FKBP9: variants seen among roughly 807,000 people sequenced by gnomAD.
The protein encoded by FKBP9 is FKBP prolyl isomerase 9, also known as peptidyl-prolyl cis-trans isomerase FKBP9.
A neutral mutation model predicts 55.6 loss-of-function variants in FKBP9; 27 were observed. The ratio of observed to expected loss-of-function variants is 0.49; its 90% CI spans 0.36 to 0.67. The LOEUF (loss-of-function observed/expected upper bound fraction) is 0.67, where lower values mean the gene tolerates loss of function less well. FKBP9 is among the 30% of genes least tolerant of loss of function. The pLI is 0.00. For synonymous variants in FKBP9, 267 were observed against 296.5 expected (o/e 0.90, Z 1.02); for missense variants, 539 against 742.8 (o/e 0.73, Z 3.19).
chr7:32,979,985 G>A (rs1784443779), intron 4 of FKBP9, among the ~76,000 whole-genome samples: 1 of 151,898 alleles, frequency 6.6e-6, no homozygotes, highest in South Asian at 2.1e-4. Context: ...CCAGAGATTT[G>A]GAATTTTCTC....
chr7:32,987,303 C>G (rs1390353042), intron 5 of FKBP9, among the ~76,000 whole-genome samples: 3 of 152,078 alleles, frequency 2.0e-5, no homozygotes, highest in Non-Finnish European at 4.4e-5. Flanking sequence ...CGAGACCAAC[C>G]TGGGCAACGT....
chr7:32,982,134 C>A (rs970544707), intron 5 of FKBP9, among the ~76,000 whole-genome samples: 5 of 151,406 alleles, frequency 3.3e-5, no homozygotes, highest in African/African-American at 1.2e-4. Context: ...GATTCCCCTG[C>A]CTCAGCCTCC....
In FKBP9 at chr7:32,970,660, C is replaced by G. The variant is rs558777212; in HGVS notation, c.222-3957C>G. On this transcript the variant is annotated intron_variant, in intron 1 of 9. Coordinates refer to ENST00000242209, the MANE Select transcript of FKBP9 (RefSeq NM_007270.5). ...TGTTCATTATTAGTGTATAGAAATGCATCTGATTTTGGGGTGTTGATTTTG... is the reference window on the plus strand; with the variant it reads ...TGTTCATTATTAGTGTATAGAAATGGATCTGATTTTGGGGTGTTGATTTTG... Among the ~76,000 whole-genome samples, 323 of 144,744 alleles carry G rather than the reference C, an allele frequency of 2.2e-3. 2 individuals are homozygous for G. Among genetic ancestry groups the G allele is most frequent in the African/African-American group, 8.3e-3 (318 of 38,122 alleles). The allele number at this position is 144,744 out of a possible 152,430, so 95.0% of individuals were successfully genotyped here. A position where few individuals can be genotyped will look rare whatever the true frequency, so the allele number is the denominator to read the frequency against.
chr7:32,976,097 C>T (rs771173011), intron 3 of FKBP9, among the ~76,000 whole-genome samples: 9 of 152,172 alleles, frequency 5.9e-5, no homozygotes, highest in Non-Finnish European at 1.3e-4. Context: ...GCAATTTCTT[C>T]TCATTAGAGC....
chr7:32,963,154 C>T (rs2953539), intron 1 of FKBP9, among the ~76,000 whole-genome samples: 5 of 152,012 alleles, frequency 3.3e-5, no homozygotes, highest in African/African-American at 7.2e-5. Flanking sequence ...TTCCTTGAAG[C>T]GGGGAGTGTG....
At chr7:32,983,152 T>C (rs1292803984) in intron 5 of FKBP9, among the ~76,000 whole-genome samples, 9 of 152,078 alleles carry the variant, frequency 5.9e-5, no homozygotes, top group Non-Finnish European at 1.0e-4. Flanking sequence ...GCCTCCTTAG[T>C]AGCTAGGATT....
At chr7:32,976,257 C>G in intron 3 of FKBP9, 97 bp from the exon 4 acceptor site, 1 of 1,417,814 alleles carries the variant, frequency 7.1e-7, no homozygotes, top group South Asian at 1.2e-5. Flanking sequence ...ATGGGATCAT[C>G]GTTTAGCTGA....
At chr7:32,984,285 G>C (rs1784536077) in intron 5 of FKBP9, among the ~76,000 whole-genome samples, 1 of 151,700 alleles carries the variant, frequency 6.6e-6, no homozygotes, top group Non-Finnish European at 1.5e-5. Context: ...CCAGGCTGGA[G>C]TGCAGTGATG....
intron 1 of FKBP9, among the ~76,000 whole-genome samples, chr7:32,973,032 C>A (rs984509234): frequency 2.6e-5 from 4 of 152,090 alleles, no homozygotes; most frequent in African/African-American, 9.7e-5. Flanking sequence ...TTGTAACCTG[C>A]CCTTTACTCT....
intron 1 of FKBP9, among the ~76,000 whole-genome samples, chr7:32,970,112 G>GGTTA (rs1784224267): frequency 6.6e-6 from 1 of 151,760 alleles, no homozygotes; most frequent in South Asian, 2.1e-4. Context: ...AGATTGCTTT[G>GGTTA]GTTAGTGTGG....
intron 6 of FKBP9, chr7:32,992,746 C>T (rs764862566): frequency 4.6e-6 from 1 of 217,972 alleles, no homozygotes; most frequent in Non-Finnish European, 9.2e-6. Context: ...TCTATCCATC[C>T]ATCAAAGATT....
chr7:32,959,106 T>A (rs1402454742), intron 1 of FKBP9, among the ~76,000 whole-genome samples: 174 of 144,560 alleles, frequency 1.2e-3, no homozygotes, highest in Middle Eastern at 7.1e-3. Flanking sequence ...TTAGTTACTT[T>A]AAAAAAAAAA....
In FKBP9 at chr7:32,965,849, G is replaced by GTA. The variant is rs765466014; in HGVS notation, c.221+8056_221+8057dup. Among the ~76,000 whole-genome samples, 531 of 80,858 alleles carry GTA rather than the reference G, an allele frequency of 6.6e-3. 27 individuals are homozygous for GTA. Among genetic ancestry groups the GTA allele is most frequent in the Admixed American group, 8.5e-3 (46 of 5,426 alleles). 53.0% of individuals were successfully genotyped at this position (80,858 alleles called of 152,430 possible). A position where few individuals can be genotyped will look rare whatever the true frequency, so the allele number is the denominator to read the frequency against. On this transcript the variant is annotated intron_variant, in intron 1 of 9. Coordinates refer to ENST00000242209, the MANE Select transcript of FKBP9 (RefSeq NM_007270.5). ...TATATATATATATATATATATGTGT[G>GTA]TACAGATATATATATATACATACAT...
intron 1 of FKBP9, among the ~76,000 whole-genome samples, chr7:32,960,658 T>C (rs888578443): frequency 1.3e-5 from 2 of 152,186 alleles, no homozygotes; most frequent in African/African-American, 4.8e-5. Flanking sequence ...TGTGAGGTAG[T>C]GTAGGGCAGT....
chr7:32,962,938 A>C lies in FKBP9; in HGVS notation c.221+5144A>C, dbSNP rs193055801. 3.3e-3 allele frequency among the ~76,000 whole-genome samples: 499 copies of C among 151,954 alleles called. 1 individual carries two copies. Among genetic ancestry groups the C allele is most frequent in the Non-Finnish European group, 5.7e-3 (385 of 67,964 alleles). ...GTGAGAGGACAGTGGCCACCCAGCT[A>C]ATATAACTGACCTTCAGATTCTGGA... On this transcript the variant is annotated intron_variant, in intron 1 of 9. Transcript: ENST00000242209.
chr7:33,001,717 T>G (rs1428165529), intron 8 of FKBP9, among the ~76,000 whole-genome samples: 3 of 152,186 alleles, frequency 2.0e-5, no homozygotes, highest in Non-Finnish European at 1.5e-5. Context: ...CTGTATACAC[T>G]ATTCTTGAAT....
At chr7:32,978,927 G>C (rs1784413460) in intron 4 of FKBP9, among the ~76,000 whole-genome samples, 1 of 152,134 alleles carries the variant, frequency 6.6e-6, no homozygotes, top group Non-Finnish European at 1.5e-5. Flanking sequence ...TCTCTGCAAA[G>C]TTGCTATAGA....
chr7:33,002,884 G>A, intron 9 of FKBP9, 45 bp downstream of exon 9: 1 of 1,597,868 alleles, frequency 6.3e-7, no homozygotes, highest in Admixed American at 1.7e-5. Context: ...AAGAGCTCAG[G>A]GAGCCTGGTA....
At chr7:32,975,973 T>A (rs1377488458) in intron 3 of FKBP9, among the ~76,000 whole-genome samples, 1 of 152,196 alleles carries the variant, frequency 6.6e-6, no homozygotes, top group African/African-American at 2.4e-5. Context: ...TAAGGAGGCT[T>A]ATGCACGTTT....
Sources: allele counts gnomAD v4.1 joint callset (sites outside exome capture counted in the v4.1 genomes callset), GRCh38; gene constraint gnomAD v4.1.1; transcripts MANE v1.5; gene names NCBI Gene and HGNC (gene_info 2026-07-23, HGNC 2026-07-21).